The following AKT3 variants were observed in gnomAD, a reference collection of about 807,000 sequenced individuals.
AKT3 encodes the protein RAC-gamma serine/threonine-protein kinase.
AKT3 carries 15 observed loss-of-function variants against 65.3 expected under a neutral mutation model. The observed-to-expected ratio is 0.23, with a 90% confidence interval of 0.15 to 0.35. AKT3 has a LOEUF of 0.35. Among genes scored for constraint, AKT3 ranks in the 10% least tolerant of loss-of-function variants. The probability of loss-of-function intolerance (pLI) is 1.00; values close to 1 mark genes in which losing one functional copy is unlikely to be tolerated. For missense variants in AKT3, 243 were observed against 576.5 expected, an observed-to-expected ratio of 0.42 and a Z score of 5.92; for synonymous variants, 206 against 183.8, an observed-to-expected ratio of 1.12 and a Z score of -0.98.
chr1:243,690,549 A>AT (rs1430881166), intron 3 of AKT3, among the ~76,000 whole-genome samples: 3 of 152,162 alleles, frequency 2.0e-5, no homozygotes, highest in African/African-American at 7.2e-5. Flanking sequence ...TGGCACCTAT[A>AT]TATTAATAGT....
intron 2 of AKT3, among the ~76,000 whole-genome samples, chr1:243,713,117 A>G (rs2148080461): frequency 6.6e-6 from 1 of 152,366 alleles, no homozygotes; most frequent in East Asian, 1.9e-4. Context: ...TCAGTTTAAA[A>G]TAGTTTATGT....
rs150288734 is a variant in AKT3 at position 243,537,555 on chromosome 1, G to C, written c.1251+7955C>G. Among the ~76,000 whole-genome samples, 199 of 152,188 alleles carry C rather than the reference G, an allele frequency of 1.3e-3. 1 individual carries two copies. The highest frequency in any genetic ancestry group is 4.6e-3 in the African/African-American group (192 of 41,528). The stretch of plus-strand genomic sequence containing the variant: ...TTGCCTATGTTCTGCTTTAGTAAGA[G>C]CTCTGTCACTTAACACTGTATTACT... On this transcript the variant is annotated intron_variant, in intron 12 of 13. Coordinates refer to ENST00000673466, the MANE Select transcript of AKT3 (RefSeq NM_005465.7).
intron 2 of AKT3, among the ~76,000 whole-genome samples, chr1:243,787,980 T>C (rs550094737): frequency 6.6e-6 from 1 of 152,202 alleles, no homozygotes; most frequent in African/African-American, 2.4e-5. Flanking sequence ...TCGACAAAGC[T>C]TGGAAAACCT....
chr1:243,518,530 C>T (rs1444217429), intron 12 of AKT3, among the ~76,000 whole-genome samples: 1 of 152,004 alleles, frequency 6.6e-6, no homozygotes, highest in African/African-American at 2.4e-5. Context: ...GAGGCTGAGG[C>T]AGAAGAATCA....
chr1:243,555,034 T>G (rs191213426), intron 10 of AKT3, among the ~76,000 whole-genome samples: 70 of 152,324 alleles, frequency 4.6e-4, no homozygotes, highest in African/African-American at 1.6e-3. Flanking sequence ...AAAATACATT[T>G]TATTTAGCTT....
intron 2 of AKT3, among the ~76,000 whole-genome samples, chr1:243,719,990 G>A (rs774310790): frequency 2.0e-5 from 3 of 152,198 alleles, no homozygotes; most frequent in Non-Finnish European, 4.4e-5. Flanking sequence ...TGTTAAGAGA[G>A]AGACATAAGA....
At chr1:243,548,758 A>G (rs138605228) in intron 11 of AKT3, among the ~76,000 whole-genome samples, 2 of 152,286 alleles carry the variant, frequency 1.3e-5, no homozygotes, top group African/African-American at 4.8e-5. Context: ...TGCTTTTCCT[A>G]TCAACTCCGC....
At position 243,650,895 on chromosome 1, in the gene AKT3, T is replaced by C. The variant is rs1681261683; in HGVS notation, c.285-4858A>G. 2.6e-5 allele frequency among the ~76,000 whole-genome samples: 4 copies of C among 152,222 alleles called. No homozygotes were observed. In the South Asian group the frequency reaches 8.3e-4, roughly 31 times the overall value. ...TGTCTTGGCTATGCGGGCTATTTTT[T>C]GGTTCCATATGAAGTTTAAAGTAGT... On this transcript the variant is annotated intron_variant, in intron 4 of 13. Coordinates refer to ENST00000673466, the MANE Select transcript of AKT3 (RefSeq NM_005465.7).
At chr1:243,753,938 G>A (rs1207235144) in intron 2 of AKT3, among the ~76,000 whole-genome samples, 9 of 152,252 alleles carry the variant, frequency 5.9e-5, no homozygotes, top group South Asian at 2.1e-4. Flanking sequence ...ATAGGTTAGC[G>A]CTTAATGTAT....
At chr1:243,653,618 G>A (rs950571842) in intron 4 of AKT3, among the ~76,000 whole-genome samples, 3 of 152,110 alleles carry the variant, frequency 2.0e-5, no homozygotes, top group South Asian at 2.1e-4. Flanking sequence ...GGTATATCAA[G>A]GTGGTTGACA....
At position 243,513,334 on chromosome 1, in the gene AKT3, T is replaced by C. The variant is rs142038654; in HGVS notation, c.1252-908A>G. On this transcript the variant is annotated intron_variant, in intron 12 of 13. Transcript: ENST00000673466. ...AGAGCATTAGGGTCAGAGTGCGTGCTCTGCAGAGTATCATTCAGAACAGGG... is the reference window on the plus strand; with the variant it reads ...AGAGCATTAGGGTCAGAGTGCGTGCCCTGCAGAGTATCATTCAGAACAGGG... Among the ~76,000 whole-genome samples, 44 of 152,272 alleles carry C rather than the reference T, an allele frequency of 2.9e-4. No homozygotes were observed. The East Asian group carries it at 2.9e-3, about 10-fold the overall frequency.
intron 3 of AKT3, among the ~76,000 whole-genome samples, chr1:243,682,308 C>T (rs933695870): frequency 6.6e-6 from 1 of 152,006 alleles, no homozygotes; most frequent in African/African-American, 2.4e-5. Context: ...TACAAGAAGG[C>T]AAATTTTTAA....
At chr1:243,699,706 T>C (rs576040711) in intron 2 of AKT3, among the ~76,000 whole-genome samples, 1 of 151,914 alleles carries the variant, frequency 6.6e-6, no homozygotes, top group East Asian at 1.9e-4. Flanking sequence ...CCTGTGAATA[T>C]TACCTTATGG....
intron 8 of AKT3, among the ~76,000 whole-genome samples, chr1:243,605,933 G>C (rs1677372518): frequency 6.6e-6 from 1 of 152,160 alleles, no homozygotes; most frequent in Admixed American, 6.5e-5. Flanking sequence ...TGCTGATAGT[G>C]AGTGAGTTCT....
chr1:243,607,047 T>C (rs1677482565), intron 8 of AKT3, among the ~76,000 whole-genome samples: 1 of 152,204 alleles, frequency 6.6e-6, no homozygotes, highest in Non-Finnish European at 1.5e-5. Context: ...AGAGGATGTG[T>C]GGAAACACTT....
At chr1:243,677,205 C>A (rs1454305803) in intron 3 of AKT3, among the ~76,000 whole-genome samples, 2 of 152,178 alleles carry the variant, frequency 1.3e-5, no homozygotes, top group Non-Finnish European at 2.9e-5. Flanking sequence ...ATACTCCCTT[C>A]CTTTTTACTT....
chr1:243,807,384 A>G (rs1483884969), intron 2 of AKT3, among the ~76,000 whole-genome samples: 1 of 152,218 alleles, frequency 6.6e-6, no homozygotes, highest in African/African-American at 2.4e-5. Flanking sequence ...CCAGGAGATT[A>G]TATCCCATGC....
chr1:243,651,534 C>T (rs1386582703), intron 4 of AKT3, among the ~76,000 whole-genome samples: 1 of 152,064 alleles, frequency 6.6e-6, no homozygotes, highest in Non-Finnish European at 1.5e-5. Flanking sequence ...GTAAGTTTGT[C>T]TTAAATAGCT....
intron 2 of AKT3, among the ~76,000 whole-genome samples, chr1:243,831,276 A>G (rs1694490669): frequency 6.6e-6 from 1 of 152,246 alleles, no homozygotes; most frequent in South Asian, 2.1e-4. Flanking sequence ...AGGAGGTTAC[A>G]ATGGAAAGGA....
Sources: gnomAD v4.1 joint callset for allele counts (sites outside exome capture counted in the v4.1 genomes callset) on GRCh38, gnomAD v4.1.1 for gene constraint, MANE v1.5 for transcripts, NCBI Gene and HGNC (gene_info 2026-07-23, HGNC 2026-07-21) for gene names.